The following GPC5 variants were observed in gnomAD, a reference collection of about 807,000 sequenced individuals.
GPC5 encodes the protein glypican 5.
In GPC5, 47 loss-of-function variants were observed where a neutral mutation model predicts 53.9. That is an observed-to-expected ratio of 0.87 (90% CI 0.69 to 1.11). The LOEUF (loss-of-function observed/expected upper bound fraction) is 1.11, where lower values mean the gene tolerates loss of function less well. Ranked by LOEUF, GPC5 falls within the 50% of genes most tolerant of loss-of-function variation. The probability of loss-of-function intolerance (pLI) is 0.00; values close to 1 mark genes in which losing one functional copy is unlikely to be tolerated. For synonymous variants in GPC5, 286 were observed against 263.3 expected, an observed-to-expected ratio of 1.09 and a Z score of -0.84; for missense variants, 748 against 713.1, an observed-to-expected ratio of 1.05 and a Z score of -0.56.
At chr13:92,288,632 G>C (rs2042972773) in intron 7 of GPC5, among the ~76,000 whole-genome samples, 1 of 152,176 alleles carries the variant, frequency 6.6e-6, no homozygotes, top group Non-Finnish European at 1.5e-5. Flanking sequence ...GAGTTTCTCA[G>C]TAGTTGATTC....
chr13:91,680,913 G>GT (rs1474505707), intron 2 of GPC5, among the ~76,000 whole-genome samples: 5 of 151,744 alleles, frequency 3.3e-5, no homozygotes, highest in Non-Finnish European at 7.4e-5. Flanking sequence ...ATCCAGTTCT[G>GT]TTTTTTACAA....
intron 6 of GPC5, among the ~76,000 whole-genome samples, chr13:92,055,087 C>T (rs942781828): frequency 6.6e-6 from 1 of 152,118 alleles, no homozygotes; most frequent in African/African-American, 2.4e-5. Flanking sequence ...ATACTTACAT[C>T]CTTCCTGACA....
chr13:92,428,268 G>A (rs1876927029), intron 7 of GPC5, among the ~76,000 whole-genome samples: 1 of 152,096 alleles, frequency 6.6e-6, no homozygotes, highest in Admixed American at 6.6e-5. Flanking sequence ...GTTGAGTTGA[G>A]CCACATCTTC....
At chr13:92,593,211 A>C (rs1157842207) in intron 7 of GPC5, among the ~76,000 whole-genome samples, 1 of 151,214 alleles carries the variant, frequency 6.6e-6, no homozygotes, top group Non-Finnish European at 1.5e-5. Context: ...AGAGAAAAAA[A>C]GGGAGACATA....
At chr13:92,330,679 G>A (rs2043282303) in intron 7 of GPC5, among the ~76,000 whole-genome samples, 1 of 152,106 alleles carries the variant, frequency 6.6e-6, no homozygotes, top group Non-Finnish European at 1.5e-5. Context: ...TTATTTAAGA[G>A]TATTTATCTT....
chr13:92,121,640 T>C (rs530465260), intron 6 of GPC5, among the ~76,000 whole-genome samples: 1 of 152,338 alleles, frequency 6.6e-6, no homozygotes, highest in African/African-American at 2.4e-5. Flanking sequence ...TTGGAAAAAC[T>C]GCCTCTACAT....
intron 7 of GPC5, among the ~76,000 whole-genome samples, chr13:92,426,796 T>A (rs1261576904): frequency 6.6e-6 from 1 of 151,838 alleles, no homozygotes; most frequent in Non-Finnish European, 1.5e-5. Context: ...GTGGTAAAAA[T>A]TAGAACATGG....
chr13:91,894,606 A>G (rs542121790), intron 5 of GPC5, among the ~76,000 whole-genome samples: 1 of 152,322 alleles, frequency 6.6e-6, no homozygotes, highest in East Asian at 1.9e-4. Context: ...AAGGAAGGTC[A>G]TAAGTTTGGA....
chr13:92,362,464 G>A (rs1284230363), intron 7 of GPC5, among the ~76,000 whole-genome samples: 1 of 151,752 alleles, frequency 6.6e-6, no homozygotes, highest in Non-Finnish European at 1.5e-5. Flanking sequence ...CAACAAGGGA[G>A]GCAAACATGT....
intron 7 of GPC5, among the ~76,000 whole-genome samples, chr13:92,167,436 A>G (rs1011622762): frequency 1.3e-5 from 2 of 152,156 alleles, no homozygotes; most frequent in Non-Finnish European, 2.9e-5. Context: ...AGTAAAAGCA[A>G]TGCAAATGAT....
chr13:92,477,062 T>C (rs1243721838), intron 7 of GPC5, among the ~76,000 whole-genome samples: 2 of 149,340 alleles, frequency 1.3e-5, no homozygotes, highest in African/African-American at 2.5e-5. Context: ...AATAAATAAA[T>C]AAATAAATAA....
At position 92,388,837 on chromosome 13, in the gene GPC5, A is replaced by T. The variant is rs999475972; in HGVS notation, c.1561+243848A>T. Among the ~76,000 whole-genome samples the T allele has an allele frequency of 7.2e-5, 11 of 152,276 alleles. No homozygotes were observed. In the East Asian group the frequency reaches 9.7e-4, roughly 13 times the overall value. On this transcript the variant is annotated intron_variant, in intron 7 of 7. Coordinates refer to ENST00000377067, the MANE Select transcript of GPC5 (RefSeq NM_004466.6). Reference sequence around the variant, plus strand: ...AAGGAGATGTGCAGTCTTTCATATTAGCCAGGACAGGGAGATGTTTGGTTA... The same window carrying T: ...AAGGAGATGTGCAGTCTTTCATATTTGCCAGGACAGGGAGATGTTTGGTTA...
chr13:91,403,449 T>G (rs1317255693), intron 1 of GPC5, among the ~76,000 whole-genome samples: 3 of 152,164 alleles, frequency 2.0e-5, no homozygotes, highest in African/African-American at 7.2e-5. Flanking sequence ...AACTTTTATC[T>G]AGGTGTTAGA....
chr13:92,286,365 A>T (rs1000667456), intron 7 of GPC5, among the ~76,000 whole-genome samples: 1 of 152,138 alleles, frequency 6.6e-6, no homozygotes, highest in African/African-American at 2.4e-5. Flanking sequence ...ATACCATTTG[A>T]CCCAGCCATC....
At chr13:92,487,636 T>A (rs1879603266) in intron 7 of GPC5, among the ~76,000 whole-genome samples, 1 of 152,046 alleles carries the variant, frequency 6.6e-6, no homozygotes, top group African/African-American at 2.4e-5. Flanking sequence ...CCAAACTATT[T>A]AAGTGCTGCA....
At chr13:91,911,417 ACC>A (rs2039609268) in intron 6 of GPC5, among the ~76,000 whole-genome samples, 1 of 151,974 alleles carries the variant, frequency 6.6e-6, no homozygotes, top group South Asian at 2.1e-4. Flanking sequence ...GGTGGCTCAC[ACC>A]TGTAATCCCA....
intron 3 of GPC5, among the ~76,000 whole-genome samples, chr13:91,706,168 C>T (rs866002680): frequency 4.0e-5 from 6 of 151,792 alleles, no homozygotes; most frequent in East Asian, 1.9e-4. Flanking sequence ...CATGAGCCAC[C>T]GCACCTGGCC....
intron 2 of GPC5, among the ~76,000 whole-genome samples, chr13:91,681,308 A>AGAG (rs1484453061): frequency 6.6e-6 from 1 of 152,196 alleles, no homozygotes; most frequent in Non-Finnish European, 1.5e-5. Context: ...AGAGGGTATA[A>AGAG]GAGAATGCGT....
intron 7 of GPC5, among the ~76,000 whole-genome samples, chr13:92,854,812 T>C (rs1566446705): frequency 6.6e-6 from 1 of 152,044 alleles, no homozygotes; most frequent in Admixed American, 6.6e-5. Flanking sequence ...ATAAATAGTT[T>C]GCAAATTTTT....
Sources: allele counts gnomAD v4.1 joint callset (sites outside exome capture counted in the v4.1 genomes callset), GRCh38; gene constraint gnomAD v4.1.1; transcripts MANE v1.5; gene names NCBI Gene and HGNC (gene_info 2026-07-23, HGNC 2026-07-21).